The following UBR3 variants were observed in gnomAD, a reference collection of about 807,000 sequenced individuals.
UBR3 encodes the protein ubiquitin protein ligase E3 component n-recognin 3, also known as E3 ubiquitin-protein ligase UBR3.
A neutral mutation model predicts 243.2 loss-of-function variants in UBR3; 85 were observed. The observed-to-expected ratio is 0.35, with a 90% confidence interval of 0.29 to 0.42. UBR3 has a LOEUF of 0.42. Among genes scored for constraint, UBR3 ranks in the 10% least tolerant of loss-of-function variants. The pLI is 1.00. For synonymous variants in UBR3, 748 were observed against 799.8 expected (o/e 0.94, Z 1.09); for missense variants, 1,686 against 2,300.8 (o/e 0.73, Z 5.47).
chr2:169,876,906 TTTC>T (rs2105313396), intron 3 of UBR3, among the ~76,000 whole-genome samples: 1 of 152,260 alleles, frequency 6.6e-6, no homozygotes, highest in African/African-American at 2.4e-5. Context: ...AGTGATCCCC[TTTC>T]TTTAACAGTA....
At chr2:169,956,299 G>GTT (rs927965275) in intron 23 of UBR3, among the ~76,000 whole-genome samples, 1 of 49,238 alleles carries the variant, frequency 2.0e-5, no homozygotes, top group African/African-American at 5.3e-5. Context: ...TAACTAAAAT[G>GTT]TTATATATAT....
chr2:170,038,205 T>G (rs1054450790), intron 31 of UBR3, among the ~76,000 whole-genome samples: 3 of 152,180 alleles, frequency 2.0e-5, no homozygotes, highest in African/African-American at 7.2e-5. Flanking sequence ...TCTCAAGCCT[T>G]TTTGATTTTT....
At chr2:170,017,789 T>C (rs1032768810) in intron 30 of UBR3, among the ~76,000 whole-genome samples, 1 of 152,184 alleles carries the variant, frequency 6.6e-6, no homozygotes, top group Non-Finnish European at 1.5e-5. Context: ...TTTTCCATAG[T>C]AAAAAGTTAC....
chr2:169,972,193 A>G (rs542538588), intron 24 of UBR3, among the ~76,000 whole-genome samples: 1 of 152,174 alleles, frequency 6.6e-6, no homozygotes, highest in Admixed American at 6.5e-5. Context: ...CGACACATAC[A>G]CTCTCCCAAG....
intron 10 of UBR3, among the ~76,000 whole-genome samples, chr2:169,913,360 G>GT (rs66463048): frequency 0.47 from 65,862 of 141,058 alleles, 16,857 homozygotes; most frequent in Non-Finnish European, 0.6. Flanking sequence ...TTTGTTTTTT[G>GT]TTTTTTTTTT....
chr2:169,875,456 G>A (rs2083572474), intron 2 of UBR3, among the ~76,000 whole-genome samples: 2 of 152,158 alleles, frequency 1.3e-5, no homozygotes, highest in South Asian at 4.1e-4. Flanking sequence ...AGACTCCTGA[G>A]TAGCTGGGAC....
In UBR3 at chr2:169,827,545, A is replaced by C. The variant is rs1465116189; in HGVS notation, c.38A>C (p.Gln13Pro). 1 of 1,231,396 alleles carries C rather than the reference A, an allele frequency of 8.1e-7. No individual in the cohort carries two copies. Among genetic ancestry groups the C allele is most frequent in the African/African-American group, 1.6e-5 (1 of 63,588 alleles). The allele number at this position is 1,231,396 out of a possible 1,614,324, so 76.3% of individuals were successfully genotyped here. Residue 13 changes from glutamine to proline, a missense_variant, in exon 1 of 39, where the codon CAG becomes CCG. By Grantham distance (76) the Gln-to-Pro change is moderately conservative. Around this residue, in one of 8 missense-constraint regions of UBR3, gnomAD observed 79 missense variants for 73.2 expected, o/e 1.08. Coordinates refer to ENST00000272793, the MANE Select transcript of UBR3 (RefSeq NM_172070.4). The stretch of plus-strand genomic sequence containing the variant: ...GCCGCGGCGGCCGTCGGGGGCCAGC[A>C]GCCGTCACAGCCCGAGCTGCCCGCG... ...AAAAAAVGGQ[Q>P]PSQPELPAPG... is the part of the protein sequence containing the mutation.
chr2:170,069,560 G>T (rs1330861824), intron 35 of UBR3, among the ~76,000 whole-genome samples: 1 of 151,936 alleles, frequency 6.6e-6, no homozygotes, highest in Non-Finnish European at 1.5e-5. Context: ...TCTTATAACA[G>T]AGTTTGTACC....
At chr2:170,043,809 C>G (rs1248603415) in intron 32 of UBR3, among the ~76,000 whole-genome samples, 3 of 152,066 alleles carry the variant, frequency 2.0e-5, no homozygotes, top group African/African-American at 7.2e-5. Context: ...AAAACTTGTG[C>G]TTTATATTAT....
chr2:170,082,092 T>A lies in UBR3; in HGVS notation c.*249T>A. 1 of 303,242 alleles carries A rather than the reference T, an allele frequency of 3.3e-6. No homozygotes were observed. The allele number at this position is 303,242 out of a possible 1,614,324, so 18.8% of individuals were successfully genotyped here. A position where few individuals can be genotyped will look rare whatever the true frequency, so the allele number is the denominator to read the frequency against. On this transcript the variant is annotated 3_prime_UTR_variant, in exon 39 of 39. Coordinates refer to ENST00000272793, the MANE Select transcript of UBR3 (RefSeq NM_172070.4). Reference sequence around the variant, plus strand: ...AGTGGTCATTTTTTAAGTGCACAATTAATAAGAAGCACAACTTGTTCACAA... The same window carrying A: ...AGTGGTCATTTTTTAAGTGCACAATAAATAAGAAGCACAACTTGTTCACAA...
At chr2:169,931,786 C>T (rs2086142748) in intron 18 of UBR3, among the ~76,000 whole-genome samples, 3 of 151,868 alleles carry the variant, frequency 2.0e-5, no homozygotes, top group Non-Finnish European at 2.9e-5. Context: ...TCTTCCTAAG[C>T]GTGATTATTA....
At chr2:169,897,527 C>T (rs1234532726) in intron 8 of UBR3, among the ~76,000 whole-genome samples, 1 of 152,030 alleles carries the variant, frequency 6.6e-6, no homozygotes, top group Non-Finnish European at 1.5e-5. Context: ...GAGACAGAGT[C>T]TTGCTCTGTA....
In UBR3 at chr2:170,081,957, A is replaced by G; in HGVS notation, c.*114A>G. 1.3e-6 allele frequency: 1 copy of G among 741,566 alleles called. No individual in the cohort carries two copies. The highest frequency in any genetic ancestry group is 2.1e-6 in the Non-Finnish European group (1 of 487,390). 45.9% of individuals were successfully genotyped at this position (741,566 alleles called of 1,614,324 possible). On this transcript the variant is annotated 3_prime_UTR_variant, in exon 39 of 39. Transcript: ENST00000272793. ...ACTTTTGCTGAGGGAGAAAAAGAAA[A>G]CATACATTATGAAGCCTTTCCAAAA...
At chr2:170,023,090 A>T (rs912297368) in intron 30 of UBR3, among the ~76,000 whole-genome samples, 1 of 151,254 alleles carries the variant, frequency 6.6e-6, no homozygotes, top group African/African-American at 2.4e-5. Context: ...AGAAAGGGAG[A>T]TTTTTTTCTC....
chr2:169,905,213 C>T lies in UBR3; in HGVS notation c.1565C>T (p.Ser522Phe). Residue 522 changes from serine to phenylalanine, a missense_variant, in exon 9 of 39, where the codon TCT becomes TTT. By Grantham distance (155) the Ser-to-Phe change is radical. Transcript: ENST00000272793. ...PLVSDFINIL[S>F]HQSVAKRFLE... ...GTTAGTGATTTTATTAATATTCTTT[C>T]TCATCAAAGTGTGGCCAAGAGATTT... The T allele has an allele frequency of 6.5e-7, 1 of 1,542,180 alleles. No homozygotes were observed. Among genetic ancestry groups the T allele is most frequent in the Non-Finnish European group, 8.8e-7 (1 of 1,142,680 alleles).
chr2:170,009,008 T>TA, intron 29 of UBR3, 68 bp downstream of exon 29: 1 of 1,041,842 alleles, frequency 9.6e-7, no homozygotes, highest in Non-Finnish European at 1.3e-6. Flanking sequence ...ATTTAATAAA[T>TA]ATTTGTTTTA....
chr2:169,930,763 T>A (rs1410078127), intron 18 of UBR3, among the ~76,000 whole-genome samples: 10 of 152,194 alleles, frequency 6.6e-5, no homozygotes, highest in Non-Finnish European at 1.3e-4. Flanking sequence ...AACAAGCCTC[T>A]GGTTTCGGGG....
At chr2:169,852,537 A>G (rs570107110) in intron 1 of UBR3, among the ~76,000 whole-genome samples, 18 of 152,184 alleles carry the variant, frequency 1.2e-4, no homozygotes, top group African/African-American at 2.9e-4. Flanking sequence ...AGAAAATACT[A>G]TCTGGCTCTT....
chr2:169,870,960 G>A (rs1456122465), intron 1 of UBR3, among the ~76,000 whole-genome samples: 1 of 146,570 alleles, frequency 6.8e-6, no homozygotes. Context: ...GGCCAAAACT[G>A]TCTTTAAAAA....
Sources: allele counts gnomAD v4.1 joint callset (sites outside exome capture counted in the v4.1 genomes callset), GRCh38; gene constraint gnomAD v4.1.1; regional missense constraint gnomAD v4.1.1; transcripts MANE v1.5; gene names NCBI Gene and HGNC (gene_info 2026-07-23, HGNC 2026-07-21).